CDH23: variants seen among roughly 807,000 people sequenced by gnomAD.
CDH23 encodes the protein cadherin-23.
Under a neutral mutation model 317.1 loss-of-function variants are expected in CDH23, and 189 were observed. The observed-to-expected ratio is 0.60, with a 90% confidence interval of 0.53 to 0.67. CDH23 has a LOEUF of 0.67. CDH23 is among the 30% of genes least tolerant of loss of function. The pLI is 0.00. For missense variants in CDH23, 4,401 were observed against 4,592.4 expected (o/e 0.96, Z 1.20); for synonymous variants, 1,839 against 1,876.8 (o/e 0.98, Z 0.52).
chr10:71,532,249 T>G (rs956466764), intron 6 of CDH23, among the ~76,000 whole-genome samples: 2 of 152,210 alleles, frequency 1.3e-5, no homozygotes, highest in East Asian at 3.9e-4. Flanking sequence ...CTTGTTCCTC[T>G]GTAGCTGTCA....
chr10:71,729,649 A>G (rs553396026), intron 30 of CDH23, among the ~76,000 whole-genome samples: 9 of 152,144 alleles, frequency 5.9e-5, no homozygotes, highest in African/African-American at 2.2e-4. Context: ...GTGCACAAGT[A>G]AAGAGTACTG....
At position 71,401,873 on chromosome 10, in the gene CDH23, C is replaced by T. The variant is rs190027539; in HGVS notation, c.-6+4555C>T. On this transcript the variant is annotated intron_variant, in intron 1 of 69. Transcript: ENST00000224721. ...GATCATTTTTGCAAAAGAGCCAATT[C>T]GGAAAACATTAGAACATTTATAGGC... 6.6e-5 allele frequency among the ~76,000 whole-genome samples: 10 copies of T among 152,264 alleles called. No homozygotes were observed. In the East Asian group the frequency reaches 9.6e-4, roughly 15 times the overall value.
Position 71,812,823 on chromosome 10 carries a change from G to A in CDH23, c.9566G>A (p.Arg3189Gln), listed in dbSNP as rs727502936. 3.8e-5 allele frequency: 62 copies of A among 1,613,390 alleles called. No homozygotes were observed. The highest frequency in any genetic ancestry group is 2.5e-4 in the South Asian group (23 of 90,974). ...AAGCCTGATGATGACCGATACCTGC[G>A]GGCTGCCATCCAGGAGTATGACAAC... ...AVKPDDDRYLRAAIQEYDNIA... is the reference protein window; with the variant it reads ...AVKPDDDRYLQAAIQEYDNIA... The change falls in exon 68 of 70, where the codon CGG becomes CAG. Residue 3189 changes from arginine to glutamine, a missense_variant. This residue lies in a region of CDH23 where 1,144 missense variants were observed against 1,138.2 expected (regional missense o/e 1.01). Transcript: ENST00000224721.
Position 71,566,751 on chromosome 10 carries a change from G to A in CDH23, c.439G>A (p.Val147Met). The A allele has an allele frequency of 6.2e-7, 1 of 1,604,038 alleles. No individual in the cohort carries two copies. Reference sequence around the variant, plus strand: ...TTGCTCTCATCCCCAGAATACACCAGTGGGGACGCCCATCTTCATCGTGAA... The same window carrying A: ...TTGCTCTCATCCCCAGAATACACCAATGGGGACGCCCATCTTCATCGTGAA... The part of the protein sequence containing the change: ...YSVRIPENTP[V>M]GTPIFIVNAT... The change falls in exon 7 of 70, where the codon GTG becomes ATG. Residue 147 changes from valine (V) to methionine (M), a missense_variant. By Grantham distance (21) the Val-to-Met change is conservative. Around this residue, in one of 3 missense-constraint regions of CDH23, gnomAD observed 3,068 missense variants for 3,203.3 expected, o/e 0.96. Transcript: ENST00000224721.
intron 11 of CDH23, among the ~76,000 whole-genome samples, chr10:71,639,158 G>A (rs1200286373): frequency 2.6e-5 from 4 of 152,194 alleles, no homozygotes; most frequent in African/African-American, 4.8e-5. Context: ...CCCGCGGTGG[G>A]CGCTATCAGC....
intron 38 of CDH23, chr10:71,755,017 T>C (rs1032677038): frequency 4.1e-6 from 2 of 489,890 alleles, no homozygotes; most frequent in Non-Finnish European, 8.0e-6. Flanking sequence ...CGCCCATACC[T>C]TAAACAGGTC....
intron 6 of CDH23, among the ~76,000 whole-genome samples, chr10:71,512,867 C>T (rs996794883): frequency 6.6e-6 from 1 of 152,158 alleles, no homozygotes; most frequent in East Asian, 1.9e-4. Flanking sequence ...TGGCTCTGAG[C>T]CAGGCTGTCA....
chr10:71,661,705 G>A (rs926004977), intron 14 of CDH23, among the ~76,000 whole-genome samples: 3 of 141,590 alleles, frequency 2.1e-5, no homozygotes, highest in Non-Finnish European at 3.1e-5. Context: ...TGCTCCTAGC[G>A]TACCCCTCCC....
At chr10:71,636,386 T>C (rs1397773929) in intron 11 of CDH23, among the ~76,000 whole-genome samples, 1 of 152,100 alleles carries the variant, frequency 6.6e-6, no homozygotes, top group Admixed American at 6.5e-5. Context: ...CTGGGCATAG[T>C]GGTGCACACA....
chr10:71,460,677 A>G (rs560062566), intron 3 of CDH23, among the ~76,000 whole-genome samples: 25 of 152,300 alleles, frequency 1.6e-4, no homozygotes, highest in Non-Finnish European at 3.7e-4. Flanking sequence ...TGCTCGCCCC[A>G]TCCATGAGCC....
chr10:71,774,051 GCACA>G (rs57159718), intron 38 of CDH23, among the ~76,000 whole-genome samples: 1,662 of 88,498 alleles, frequency 0.019, 14 homozygotes, highest in Non-Finnish European at 0.029. Flanking sequence ...ATGCGCGCGC[GCACA>G]CACACACACA....
intron 3 of CDH23, among the ~76,000 whole-genome samples, chr10:71,506,555 T>A (rs1432124226): frequency 1.3e-5 from 2 of 152,250 alleles, no homozygotes; most frequent in Middle Eastern, 3.4e-3. Flanking sequence ...CTAAGAACAC[T>A]GGGCTGGAGC....
chr10:71,684,857 C>T (rs544686491), intron 18 of CDH23, among the ~76,000 whole-genome samples: 1 of 152,238 alleles, frequency 6.6e-6, no homozygotes, highest in East Asian at 1.9e-4. Context: ...TAGCCCGGGG[C>T]TAGACAGGCC....
chr10:71,810,110 G>A (rs751159937), intron 61 of CDH23, 34 bp downstream of exon 61: 1 of 1,605,610 alleles, frequency 6.2e-7, no homozygotes, highest in South Asian at 1.1e-5. Flanking sequence ...CCGGGGCAGT[G>A]GAGGGAGAAG....
chr10:71,746,720 G>C (rs908268271), intron 38 of CDH23, among the ~76,000 whole-genome samples: 2 of 152,204 alleles, frequency 1.3e-5, no homozygotes, highest in Non-Finnish European at 2.9e-5. Context: ...GGGCCTAACT[G>C]TGGCCTCCCT....
chr10:71,596,103 G>A (rs900119964), intron 9 of CDH23, among the ~76,000 whole-genome samples: 1 of 151,964 alleles, frequency 6.6e-6, no homozygotes, highest in Non-Finnish European at 1.5e-5. Flanking sequence ...GCTCAGGGGT[G>A]GTGGGAGGCA....
intron 38 of CDH23, chr10:71,753,782 G>C (rs1340481292): frequency 2.2e-6 from 1 of 456,316 alleles, no homozygotes; most frequent in East Asian, 6.9e-5. Flanking sequence ...GATGGTGGGG[G>C]AGGGGCACAA....
chr10:71,815,256 C>T lies in CDH23; in HGVS notation c.10043C>T (p.Pro3348Leu). The change falls in exon 70 of 70, where the codon CCC becomes CTC. Residue 3348 changes from proline (P) to leucine (L), a missense_variant. Coordinates refer to ENST00000224721, the MANE Select transcript of CDH23 (RefSeq NM_022124.6). ...HKLRDVIMETPLEITEL is the reference protein window; with the variant it reads ...HKLRDVIMETLLEITEL ...CTTCGCGACGTGATCATGGAGACCC[C>T]CCTGGAGATCACAGAGCTGTGACTA... The T allele has an allele frequency of 6.3e-7, 1 of 1,578,818 alleles. No individual in the cohort carries two copies. The highest frequency in any genetic ancestry group is 1.2e-5 in the South Asian group (1 of 86,306).
At chr10:71,551,379 C>T (rs552859668) in intron 6 of CDH23, among the ~76,000 whole-genome samples, 9 of 152,132 alleles carry the variant, frequency 5.9e-5, no homozygotes, top group Admixed American at 4.6e-4. Context: ...TGGGCACCCC[C>T]GGGGCCAGGA....
Sources: allele counts gnomAD v4.1 joint callset (sites outside exome capture counted in the v4.1 genomes callset), GRCh38; gene constraint gnomAD v4.1.1; regional missense constraint gnomAD v4.1.1; transcripts MANE v1.5; gene names NCBI Gene and HGNC (gene_info 2026-07-23, HGNC 2026-07-21).